The following LIN7B variants were observed in gnomAD, a reference collection of about 807,000 sequenced individuals.
LIN7B encodes lin-7 cell polarity scaffold B.
Under a neutral mutation model 27.9 loss-of-function variants are expected in LIN7B, and 16 were observed. The observed-to-expected ratio is 0.57, with a 90% CI of 0.39 to 0.87. The LOEUF (loss-of-function observed/expected upper bound fraction) is 0.87, where lower values mean the gene tolerates loss of function less well. Among genes scored for constraint, LIN7B ranks in the 40% least tolerant of loss-of-function variants. The pLI, the probability that LIN7B is intolerant of heterozygous loss-of-function variation, is 0.00. For missense variants in LIN7B, 291 were observed against 288.5 expected (o/e 1.01, Z -0.06); for synonymous variants, 147 against 120.8 (o/e 1.22, Z -1.42).
At chr19:49,115,190 G>A (rs2122453208) in intron 2 of LIN7B, 70 bp from the exon 3 acceptor site, 8 of 1,385,056 alleles carry the variant, frequency 5.8e-6, no homozygotes, top group Non-Finnish European at 7.9e-6. Flanking sequence ...AGAGGGTCTA[G>A]AGGCCTGAAC....
intron 1 of LIN7B, 88 bp from the exon 2 acceptor site, chr19:49,114,761 C>G (rs2040796102): frequency 1.3e-6 from 1 of 744,930 alleles, no homozygotes; most frequent in Non-Finnish European, 2.0e-6. Context: ...GGACTGTGCG[C>G]TCGGCCTCAC....
chr19:49,116,984 A>C (rs2040836019), intron 4 of LIN7B, among the ~76,000 whole-genome samples: 1 of 152,026 alleles, frequency 6.6e-6, no homozygotes, highest in Admixed American at 6.6e-5. Flanking sequence ...GGTGGCTCAC[A>C]CCTGTAATCC....
chr19:49,117,187 A>C (rs2122466514), intron 4 of LIN7B, among the ~76,000 whole-genome samples: 1 of 148,126 alleles, frequency 6.8e-6, no homozygotes, highest in South Asian at 2.2e-4. Context: ...CAGAGGTTGC[A>C]GTGAGCTGAG....
chr19:49,116,081 G>A, intron 3 of LIN7B, 182 bp from the exon 4 acceptor site: 1 of 570,688 alleles, frequency 1.8e-6, no homozygotes, highest in South Asian at 2.4e-5. Context: ...ACTTTCTCTT[G>A]CAAGTGAACA....
rs371866941 is a variant in LIN7B, at chr19:49,115,252, T to C, written c.157-8T>C. On this transcript the variant is annotated splice_region_variant and splice_polypyrimidine_tract_variant and intron_variant, in intron 2 of 5. Transcript: ENST00000221459. ...GCGACTCCCTGATGCCGCTGCCTCC[T>C]CACCCAGGTGTATGAGCAGCTTTAT... The C allele has an allele frequency of 3.6e-5, 56 of 1,551,122 alleles. No homozygotes were observed. Among genetic ancestry groups the C allele is most frequent in the Non-Finnish European group, 4.6e-5 (53 of 1,146,402 alleles).
At chr19:49,117,262 AAC>A (rs1418814235) in intron 4 of LIN7B, among the ~76,000 whole-genome samples, 2,508 of 142,416 alleles carry the variant, frequency 0.018, 102 homozygotes, top group Middle Eastern at 0.032. Flanking sequence ...AAAAAAAAAA[AAC>A]AAAACTCACT....
Position 49,114,960 on chromosome 19 carries a change from T to C in LIN7B, c.149T>C (p.Ile50Thr). ...RVLQSRFCSA[I>T]REVYEQLYDT... ...CTGCAGAGCCGCTTCTGCTCCGCTA[T>C]CCGAGAGGTGAGGGGCGCGCGGCGC... Residue 50 changes from isoleucine (I) to threonine (T), a missense_variant, in exon 2 of 6, where the codon ATC becomes ACC. By Grantham distance (89) the Ile-to-Thr change is moderately conservative. Coordinates refer to ENST00000221459, the MANE Select transcript of LIN7B (RefSeq NM_022165.3). 7.0e-7 allele frequency: 1 copy of C among 1,425,152 alleles called. No individual in the cohort carries two copies. Among genetic ancestry groups the C allele is most frequent in the Non-Finnish European group, 9.2e-7 (1 of 1,090,412 alleles). The allele number at this position is 1,425,152 out of a possible 1,614,324, so 88.3% of individuals were successfully genotyped here.
Position 49,117,827 on chromosome 19 carries a change from G to A in LIN7B, c.439-28G>A, listed in dbSNP as rs199585401. 7 of 1,605,634 alleles carry A rather than the reference G, an allele frequency of 4.4e-6. 1 individual carries two copies. The African/African-American group carries it at 6.7e-5, about 15-fold the overall frequency. Reference sequence around the variant, plus strand: ...GCTGGACGAGGGCAGCGGGCCCCAGGCTCAGCTGTCTGTGTTGGGCCCTGC... The same window carrying A: ...GCTGGACGAGGGCAGCGGGCCCCAGACTCAGCTGTCTGTGTTGGGCCCTGC... On this transcript the variant is annotated intron_variant, in intron 4 of 5. Coordinates refer to ENST00000221459, the MANE Select transcript of LIN7B (RefSeq NM_022165.3).
chr19:49,115,045 G>A, intron 2 of LIN7B, 78 bp downstream of exon 2: 2 of 1,056,758 alleles, frequency 1.9e-6, no homozygotes, highest in Non-Finnish European at 2.6e-6. Context: ...CCCGAGCCCG[G>A]AGACTACGCC....
chr19:49,115,365 T>C, intron 3 of LIN7B, 34 bp downstream of exon 3: 1 of 1,527,576 alleles, frequency 6.5e-7, no homozygotes, highest in East Asian at 2.5e-5. Flanking sequence ...CTGGTGTCTA[T>C]TTAACTGCCT....
chr19:49,114,427 T>G lies in LIN7B; in HGVS notation c.23T>G (p.Leu8Arg). 8.3e-7 allele frequency: 1 copy of G among 1,206,502 alleles called. No homozygotes were observed. Among genetic ancestry groups the G allele is most frequent in the South Asian group, 4.1e-5 (1 of 24,148 alleles). 74.7% of individuals were successfully genotyped at this position (1,206,502 alleles called of 1,614,324 possible). Residue 8 changes from leucine (L) to arginine (R), a missense_variant, in exon 1 of 6, where the codon CTG becomes CGG. Coordinates refer to ENST00000221459, the MANE Select transcript of LIN7B (RefSeq NM_022165.3). MAALVEPLGLERDVSRAV... is the reference protein window; with the variant it reads MAALVEPRGLERDVSRAV... Reference sequence around the variant, plus strand: ...GACATGGCTGCGCTGGTGGAGCCGCTGGGGCTGGAGCGGGGTAAGCGTGCG... The same window carrying G: ...GACATGGCTGCGCTGGTGGAGCCGCGGGGGCTGGAGCGGGGTAAGCGTGCG...
chr19:49,114,666 GGGGCCGCA>G (rs1600304015), intron 1 of LIN7B, 175 bp from the exon 2 acceptor site: 1 of 447,514 alleles, frequency 2.2e-6, no homozygotes, highest in Non-Finnish European at 3.7e-6. Flanking sequence ...GAGGGGTCCC[GGGGCCGCA>G]GGGCCGCTGG....
chr19:49,117,796 G>A (rs941476682), intron 4 of LIN7B, 59 bp from the exon 5 acceptor site: 4 of 1,509,116 alleles, frequency 2.7e-6, no homozygotes, highest in African/African-American at 2.7e-5. Context: ...CCATCTCCCA[G>A]TGGGGGCTGG....
At position 49,114,889 on chromosome 19, in the gene LIN7B, C is replaced by G; in HGVS notation, c.78C>G (p.Arg26=). The G allele has an allele frequency of 6.8e-7, 1 of 1,470,870 alleles. No homozygotes were observed. Among genetic ancestry groups the G allele is most frequent in the Non-Finnish European group, 9.0e-7 (1 of 1,113,910 alleles). 91.1% of individuals were successfully genotyped at this position (1,470,870 alleles called of 1,614,324 possible). Residue 26 remains arginine, a synonymous_variant, in exon 2 of 6, where the codon CGC becomes CGG. Coordinates refer to ENST00000221459, the MANE Select transcript of LIN7B (RefSeq NM_022165.3). ...TTGAGCTCCTCGAGCGGCTCCAGCG[C>G]AGCGGGGAGCTGCCGCCGCAGAAGC... is the stretch of plus-strand genomic sequence containing the variant. The part of the protein sequence containing the change: ...RAVELLERLQ[R]SGELPPQKLQ...
At chr19:49,117,307 G>C (rs1372368530) in intron 4 of LIN7B, among the ~76,000 whole-genome samples, 1 of 150,838 alleles carries the variant, frequency 6.6e-6, no homozygotes, top group Non-Finnish European at 1.5e-5. Context: ...TAACTGGAGA[G>C]ATGGCTGGGG....
chr19:49,117,746 G>A, intron 4 of LIN7B, 109 bp from the exon 5 acceptor site: 1 of 921,070 alleles, frequency 1.1e-6, no homozygotes, highest in East Asian at 2.4e-5. Context: ...ATGAGGCATT[G>A]ACATCTCAGG....
chr19:49,114,804 G>C (rs1445004158), intron 1 of LIN7B, 45 bp from the exon 2 acceptor site: 2 of 1,170,400 alleles, frequency 1.7e-6, no homozygotes, highest in South Asian at 1.7e-5. Flanking sequence ...TGCGTCTCGG[G>C]GTCTCTGACA....
At chr19:49,118,189 C>T (rs995518236) in intron 5 of LIN7B, 163 bp from the exon 6 acceptor site, 19 of 1,326,862 alleles carry the variant, frequency 1.4e-5, no homozygotes, top group Non-Finnish European at 1.9e-5. Flanking sequence ...GCCAAATCCC[C>T]TGGGGAGCCC....
chr19:49,118,390 G>C lies in LIN7B; in HGVS notation c.*17G>C. ...CGAGGTTGAAACCACAGATCTGGAC[G>C]TTCACGTGCACTCTCTTCCTGTACA... is the stretch of plus-strand genomic sequence containing the variant. On this transcript the variant is annotated 3_prime_UTR_variant, in exon 6 of 6. Transcript: ENST00000221459. The C allele has an allele frequency of 6.2e-7, 1 of 1,613,720 alleles. No individual in the cohort carries two copies.
Sources: gnomAD v4.1 joint callset for allele counts (sites outside exome capture counted in the v4.1 genomes callset) on GRCh38, gnomAD v4.1.1 for gene constraint, MANE v1.5 for transcripts, NCBI Gene and HGNC (gene_info 2026-07-23, HGNC 2026-07-21) for gene names.